Variants in CCT6B observed in about 807,000 individuals in gnomAD.
CCT6B encodes the protein probable T-complex protein 1 subunit zeta-2.
In CCT6B, 49 loss-of-function variants were observed where a neutral mutation model predicts 61.5. That is an observed-to-expected ratio of 0.80 (90% CI 0.63 to 1.01). The LOEUF (loss-of-function observed/expected upper bound fraction) is 1.01, where lower values mean the gene tolerates loss of function less well. Ranked by LOEUF, CCT6B falls within the 50% of genes least tolerant of loss-of-function variation. CCT6B has a pLI of 0.00. For synonymous variants in CCT6B, 228 were observed against 214.5 expected (o/e 1.06, Z -0.55); for missense variants, 666 against 634.7 (o/e 1.05, Z -0.53).
chr17:34,952,093 C>T (rs748392142), intron 4 of CCT6B, 40 bp from the exon 5 acceptor site: 9 of 1,264,746 alleles, frequency 7.1e-6, no homozygotes, highest in Non-Finnish European at 1.0e-5. Context: ...GTTATTTGGA[C>T]TACTAAAATA....
chr17:34,932,537 C>T, intron 10 of CCT6B, 37 bp from the exon 11 acceptor site: 1 of 1,562,698 alleles, frequency 6.4e-7, no homozygotes, highest in Non-Finnish European at 8.6e-7. Flanking sequence ...CAAGACATGC[C>T]ATAAAGACCA....
At chr17:34,936,286 G>C (rs909143168) in intron 10 of CCT6B, among the ~76,000 whole-genome samples, 1 of 152,062 alleles carries the variant, frequency 6.6e-6, no homozygotes, top group African/African-American at 2.4e-5. Context: ...CAGCAAACTA[G>C]GTGCAGAAGG....
Position 34,927,969 on chromosome 17 carries a change from G to A in CCT6B, c.*79C>T. The A allele has an allele frequency of 1.0e-6, 1 of 955,798 alleles. No homozygotes were observed. The highest frequency in any genetic ancestry group is 1.6e-6 in the Non-Finnish European group (1 of 632,954). 59.2% of individuals were successfully genotyped at this position (955,798 alleles called of 1,614,324 possible). A position where few individuals can be genotyped will look rare whatever the true frequency, so the allele number is the denominator to read the frequency against. ...ATTTATTGTGTAGAAATTCAGAATG[G>A]CTCAGGCTACACAATAGTAGTCAGA... On this transcript the variant is annotated 3_prime_UTR_variant, in exon 14 of 14. Coordinates refer to ENST00000314144, the MANE Select transcript of CCT6B (RefSeq NM_006584.4).
intron 10 of CCT6B, among the ~76,000 whole-genome samples, chr17:34,934,259 A>T (rs1325015015): frequency 6.6e-6 from 1 of 152,242 alleles, no homozygotes; most frequent in Admixed American, 6.5e-5. Flanking sequence ...GAGAAAATTT[A>T]TATCACTACA....
chr17:34,940,415 T>C, intron 8 of CCT6B, 124 bp downstream of exon 8: 1 of 567,930 alleles, frequency 1.8e-6, no homozygotes, highest in Non-Finnish European at 3.1e-6. Flanking sequence ...AAAACAAAAT[T>C]TGGATTTTTT....
chr17:34,942,478 T>A lies in CCT6B; in HGVS notation c.885+6A>T. On this transcript the variant is annotated splice_donor_region_variant and intron_variant, in intron 7 of 13. Transcript: ENST00000314144. ...AAATAACTAAAATCTAAACTTTCTT[T>A]CTCACCTTTTGATTAATGACGACAA... 1 of 1,582,696 alleles carries A rather than the reference T, an allele frequency of 6.3e-7. No homozygotes were observed. The highest frequency in any genetic ancestry group is 8.5e-7 in the Non-Finnish European group (1 of 1,170,158).
chr17:34,957,001 G>T (rs1337838284), intron 3 of CCT6B, among the ~76,000 whole-genome samples: 1 of 151,546 alleles, frequency 6.6e-6, no homozygotes, highest in African/African-American at 2.4e-5. Flanking sequence ...TAAAGACAGG[G>T]TCTCACTATG....
In CCT6B at chr17:34,939,336, G is replaced by A. The variant is rs754622527; in HGVS notation, c.1066-6C>T. 18 of 1,604,514 alleles carry A rather than the reference G, an allele frequency of 1.1e-5. No individual in the cohort carries two copies. In the African/African-American group the frequency reaches 2.3e-4, roughly 20 times the overall value. On this transcript the variant is annotated splice_polypyrimidine_tract_variant and splice_region_variant and intron_variant, in intron 9 of 13. Coordinates refer to ENST00000314144, the MANE Select transcript of CCT6B (RefSeq NM_006584.4). ...AAAGTGAACTTTTCTTCACCCTAAA[G>A]GGTGGCACAAAAATATATAACTTTA...
intron 7 of CCT6B, 88 bp from the exon 8 acceptor site, chr17:34,940,709 A>G (rs1459420257): frequency 7.2e-6 from 4 of 552,656 alleles, no homozygotes; most frequent in Non-Finnish European, 1.3e-5. Flanking sequence ...TTACTCTCTT[A>G]AAAATGATTA....
At chr17:34,954,905 G>C (rs1323722212) in intron 3 of CCT6B, among the ~76,000 whole-genome samples, 1 of 152,164 alleles carries the variant, frequency 6.6e-6, no homozygotes, top group East Asian at 1.9e-4. Context: ...TCAATGCAGA[G>C]GAAAAGAACC....
intron 4 of CCT6B, among the ~76,000 whole-genome samples, chr17:34,953,259 A>G (rs1342240376): frequency 6.6e-6 from 1 of 150,934 alleles, no homozygotes; most frequent in Non-Finnish European, 1.5e-5. Flanking sequence ...ATGATATCAA[A>G]TCATTGCCAC....
At chr17:34,932,712 A>C (rs931194003) in intron 10 of CCT6B, among the ~76,000 whole-genome samples, 1 of 152,230 alleles carries the variant, frequency 6.6e-6, no homozygotes, top group Non-Finnish European at 1.5e-5. Context: ...CTGGCTGCAA[A>C]CAGCTTATTT....
Position 34,961,381 on chromosome 17 carries a change from T to G in CCT6B, c.13A>C (p.Lys5Gln), listed in dbSNP as rs2090415924. The G allele has an allele frequency of 6.2e-7, 1 of 1,609,574 alleles. No homozygotes were observed. Among genetic ancestry groups the G allele is most frequent in the Admixed American group, 1.7e-5 (1 of 59,304 alleles). Reference sequence around the variant, plus strand: ...ACCTCAGCCTTGGAGTTGACGGCCTTTATCGCAGCCATAGCCTAACCGTTC... The same window carrying G: ...ACCTCAGCCTTGGAGTTGACGGCCTGTATCGCAGCCATAGCCTAACCGTTC... MAAIKAVNSKAEVAR... is the reference protein window; with the variant it reads MAAIQAVNSKAEVAR... The change falls in exon 1 of 14, where the codon AAG becomes CAG. Residue 5 changes from lysine (K) to glutamine (Q), a missense_variant. Physicochemically the swap from Lys to Gln is moderately conservative, Grantham distance 53. Coordinates refer to ENST00000314144, the MANE Select transcript of CCT6B (RefSeq NM_006584.4).
intron 9 of CCT6B, 130 bp downstream of exon 9, chr17:34,939,487 A>T: frequency 1.2e-6 from 1 of 824,020 alleles, no homozygotes; most frequent in Non-Finnish European, 1.9e-6. Context: ...TTAGGTAAAT[A>T]AACTGTAAAA....
chr17:34,954,463 G>C lies in CCT6B; in HGVS notation c.473C>G (p.Thr158Ser). 1 of 1,612,398 alleles carries C rather than the reference G, an allele frequency of 6.2e-7. No homozygotes were observed. The highest frequency in any genetic ancestry group is 8.5e-7 in the Non-Finnish European group (1 of 1,179,408). Residue 158 changes from threonine (T) to serine (S), a missense_variant, in exon 4 of 14, where the codon ACT becomes AGT. Coordinates refer to ENST00000314144, the MANE Select transcript of CCT6B (RefSeq NM_006584.4). Reference sequence around the variant, plus strand: ...ATCAGCCAGTTCAGCATGAACTTTAGTTTGTAATGATGTTCTAGCTACATC... The same window carrying C: ...ATCAGCCAGTTCAGCATGAACTTTACTTTGTAATGATGTTCTAGCTACATC... ...LLDVARTSLQ[T>S]KVHAELADVL... is the part of the protein sequence containing the mutation.
intron 3 of CCT6B, among the ~76,000 whole-genome samples, chr17:34,958,357 T>C (rs1018595128): frequency 1.1e-4 from 17 of 152,120 alleles, no homozygotes; most frequent in Non-Finnish European, 1.8e-4. Context: ...AGCAGGAGAA[T>C]TGATTGAACC....
intron 5 of CCT6B, among the ~76,000 whole-genome samples, 157 bp downstream of exon 5, chr17:34,951,793 C>T (rs1246866181): frequency 6.6e-6 from 1 of 152,132 alleles, no homozygotes; most frequent in African/African-American, 2.4e-5. Flanking sequence ...GAAAGAAATT[C>T]TGTTCTGTTT....
intron 3 of CCT6B, among the ~76,000 whole-genome samples, chr17:34,956,671 G>C (rs2090350753): frequency 6.6e-6 from 1 of 152,080 alleles, no homozygotes; most frequent in Non-Finnish European, 1.5e-5. Flanking sequence ...TACTGGCTTG[G>C]GATGGACATA....
At position 34,958,703 on chromosome 17, in the gene CCT6B, A is replaced by C. The variant is rs572733467; in HGVS notation, c.202-9T>G. On this transcript the variant is annotated splice_polypyrimidine_tract_variant and intron_variant, in intron 2 of 13. Transcript: ENST00000314144. ...GTTGGATGTTGAATTTGCTGGAAAAAGCAAGCAACAGATTTAAAAAGACAG... is the reference window on the plus strand; with the variant it reads ...GTTGGATGTTGAATTTGCTGGAAAACGCAAGCAACAGATTTAAAAAGACAG... 2 of 1,587,464 alleles carry C rather than the reference A, an allele frequency of 1.3e-6. No homozygotes were observed. The highest frequency in any genetic ancestry group is 1.7e-6 in the Non-Finnish European group (2 of 1,167,812).
Sources: allele counts gnomAD v4.1 joint callset (sites outside exome capture counted in the v4.1 genomes callset), GRCh38; gene constraint gnomAD v4.1.1; transcripts MANE v1.5; gene names NCBI Gene and HGNC (gene_info 2026-07-23, HGNC 2026-07-21).